HOMER1: variants seen among roughly 807,000 people sequenced by gnomAD.
The protein encoded by HOMER1 is homer scaffold protein 1, also known as homer protein homolog 1.
In HOMER1, 3 loss-of-function variants were observed where a neutral mutation model predicts 48.9. The observed-to-expected ratio is 0.06, with a 90% CI of 0.03 to 0.16. HOMER1 has a LOEUF of 0.16. HOMER1 is among the 10% of genes least tolerant of loss of function. The pLI is 1.00. For synonymous variants in HOMER1, 134 were observed against 146.4 expected, an observed-to-expected ratio of 0.92 and a Z score of 0.61; for missense variants, 247 against 411.4, an observed-to-expected ratio of 0.60 and a Z score of 3.46.
intron 1 of HOMER1, among the ~76,000 whole-genome samples, chr5:79,480,115 G>C (rs1466667159): frequency 1.3e-5 from 2 of 151,184 alleles, no homozygotes. Context: ...CACTGTTTCA[G>C]AAGTAAAAAG....
At chr5:79,456,838 T>A in intron 2 of HOMER1, 24 bp downstream of exon 2, 1 of 1,599,140 alleles carries the variant, frequency 6.3e-7, no homozygotes. Flanking sequence ...ACCAGCCAAA[T>A]CATTCAAAGT....
At position 79,372,784 on chromosome 5, in the gene HOMER1, G is replaced by A. The variant is rs370511013; in HGVS notation, c.*3225C>T. ...GCTTCAGTTAAATAAAAACATGGGA[G>A]ACTGTAGCCCACATGTTAAAGAATA... On this transcript the variant is annotated 3_prime_UTR_variant, in exon 9 of 9. Coordinates refer to ENST00000334082, the MANE Select transcript of HOMER1 (RefSeq NM_004272.5). The A allele has an allele frequency of 1.3e-5, 2 of 152,280 alleles. No individual in the cohort carries two copies. Among genetic ancestry groups the A allele is most frequent in the African/African-American group, 4.8e-5 (2 of 41,560 alleles). 9.4% of individuals were successfully genotyped at this position (152,280 alleles called of 1,614,324 possible).
chr5:79,448,806 G>A (rs1750954244), intron 3 of HOMER1, among the ~76,000 whole-genome samples: 1 of 152,102 alleles, frequency 6.6e-6, no homozygotes, highest in Non-Finnish European at 1.5e-5. Flanking sequence ...AAAACATTCT[G>A]AAGAGACTGA....
chr5:79,410,928 G>A (rs1205464595), intron 5 of HOMER1, among the ~76,000 whole-genome samples: 1 of 152,186 alleles, frequency 6.6e-6, no homozygotes, highest in Non-Finnish European at 1.5e-5. Flanking sequence ...TAAGAGAGCT[G>A]TTCACAAAGA....
intron 5 of HOMER1, among the ~76,000 whole-genome samples, chr5:79,423,805 T>C (rs1750169114): frequency 6.6e-6 from 1 of 152,060 alleles, no homozygotes; most frequent in Non-Finnish European, 1.5e-5. Context: ...ATGAGGAAAC[T>C]GTAGCTCAAA....
chr5:79,474,400 T>TCAC (rs980699365), intron 1 of HOMER1, among the ~76,000 whole-genome samples: 2 of 152,006 alleles, frequency 1.3e-5, no homozygotes, highest in African/African-American at 4.8e-5. Flanking sequence ...ATTAGTAATA[T>TCAC]AGTGAGACAG....
At chr5:79,459,840 G>A (rs899035736) in intron 1 of HOMER1, among the ~76,000 whole-genome samples, 1 of 152,136 alleles carries the variant, frequency 6.6e-6, no homozygotes, top group African/African-American at 2.4e-5. Flanking sequence ...TTGCACAGTG[G>A]GAGGAGGGCT....
At chr5:79,474,508 T>C (rs1325614759) in intron 1 of HOMER1, among the ~76,000 whole-genome samples, 2 of 152,142 alleles carry the variant, frequency 1.3e-5, no homozygotes, top group Admixed American at 6.6e-5. Flanking sequence ...TAAACTCCCA[T>C]TGGATCATCA....
chr5:79,510,731 ACC>A, intron 1 of HOMER1: 1 of 780,236 alleles, frequency 1.3e-6, no homozygotes, highest in Non-Finnish European at 2.3e-6. Flanking sequence ...TACACTGTCC[ACC>A]CCAAGCTTGG....
At chr5:79,474,658 T>C (rs926467496) in intron 1 of HOMER1, among the ~76,000 whole-genome samples, 3 of 152,188 alleles carry the variant, frequency 2.0e-5, no homozygotes, top group Non-Finnish European at 4.4e-5. Context: ...CTCATAATGA[T>C]CTCATCTCAG....
chr5:79,398,330 C>T (rs938004190), intron 6 of HOMER1, among the ~76,000 whole-genome samples: 26 of 150,416 alleles, frequency 1.7e-4, no homozygotes, highest in African/African-American at 5.7e-4. Context: ...CACACACACA[C>T]ATGCACACAC....
chr5:79,404,998 C>G (rs547147955), intron 5 of HOMER1, among the ~76,000 whole-genome samples: 1 of 152,030 alleles, frequency 6.6e-6, no homozygotes, highest in African/African-American at 2.4e-5. Context: ...CATGAGCCAT[C>G]GTGCCCGGTC....
At chr5:79,420,277 C>T (rs530895273) in intron 5 of HOMER1, among the ~76,000 whole-genome samples, 7 of 152,114 alleles carry the variant, frequency 4.6e-5, no homozygotes, top group African/African-American at 1.4e-4. Context: ...TATTCCATCC[C>T]AGTCTTTATA....
intron 1 of HOMER1, among the ~76,000 whole-genome samples, chr5:79,475,350 C>G (rs1392815502): frequency 1.3e-5 from 2 of 151,032 alleles, no homozygotes; most frequent in Non-Finnish European, 2.9e-5. Context: ...CTAAACCTGA[C>G]AGTTCGTCGC....
intron 1 of HOMER1, among the ~76,000 whole-genome samples, chr5:79,469,146 C>G (rs747165012): frequency 2.0e-5 from 3 of 152,084 alleles, no homozygotes; most frequent in Admixed American, 6.6e-5. Context: ...TCTGATACTC[C>G]TCTAAATTAC....
intron 6 of HOMER1, among the ~76,000 whole-genome samples, chr5:79,399,119 T>TAA (rs1561348362): frequency 6.6e-6 from 1 of 152,158 alleles, no homozygotes; most frequent in Admixed American, 6.5e-5. Context: ...TTTATTGGAG[T>TAA]AACTTTCCTA....
At chr5:79,380,326 C>A (rs544106324) in intron 8 of HOMER1, among the ~76,000 whole-genome samples, 5 of 152,278 alleles carry the variant, frequency 3.3e-5, no homozygotes, top group African/African-American at 1.2e-4. Context: ...TGCAGCAAGG[C>A]CCCATTTTAG....
chr5:79,451,813 G>A (rs970950389), intron 2 of HOMER1, among the ~76,000 whole-genome samples: 1 of 151,558 alleles, frequency 6.6e-6, no homozygotes, highest in African/African-American at 2.4e-5. Flanking sequence ...TGCCCGCCTC[G>A]GCCTCCCAAA....
rs185395995 is a variant in HOMER1, at chr5:79,443,436, C to T, written c.387+3617G>A. Reference sequence around the variant, plus strand: ...CAGACAGTCTGGGAGTGGAGCTCACCGATCTGAGTTTTAGCAAGTCTTTCA... The same window carrying T: ...CAGACAGTCTGGGAGTGGAGCTCACTGATCTGAGTTTTAGCAAGTCTTTCA... On this transcript the variant is annotated intron_variant, in intron 4 of 8. Transcript: ENST00000334082. Among the ~76,000 whole-genome samples, 189 of 152,164 alleles carry T rather than the reference C, an allele frequency of 1.2e-3. 1 individual carries two copies. The highest frequency in any genetic ancestry group is 3.0e-3 in the Admixed American group (46 of 15,280).
Sources: allele counts gnomAD v4.1 joint callset (sites outside exome capture counted in the v4.1 genomes callset), GRCh38; gene constraint gnomAD v4.1.1; transcripts MANE v1.5; gene names NCBI Gene and HGNC (gene_info 2026-07-23, HGNC 2026-07-21).